RNF213: variants seen among roughly 807,000 people sequenced by gnomAD.
The protein encoded by RNF213 is ring finger protein 213.
A neutral mutation model predicts 514.4 loss-of-function variants in RNF213; 341 were observed. That is an observed-to-expected ratio of 0.66 (90% CI 0.61 to 0.73). The LOEUF (loss-of-function observed/expected upper bound fraction) is 0.73, where lower values mean the gene tolerates loss of function less well. Ranked by LOEUF, RNF213 falls within the 30% of genes least tolerant of loss-of-function variation. The probability of loss-of-function intolerance (pLI) is 0.00; values close to 1 mark genes in which losing one functional copy is unlikely to be tolerated. For missense variants in RNF213, 5,767 were observed against 6,615.6 expected, an observed-to-expected ratio of 0.87 and a Z score of 4.45; for synonymous variants, 2,655 against 2,658.2, an observed-to-expected ratio of 1.00 and a Z score of 0.04.
At chr17:80,268,436 A>G (rs762189117) in intron 2 of RNF213, among the ~76,000 whole-genome samples, 5 of 151,686 alleles carry the variant, frequency 3.3e-5, no homozygotes, top group Admixed American at 6.6e-5. Flanking sequence ...CAAGCACTCC[A>G]AAGATGCAGG....
chr17:80,290,267 C>T (rs939098814), intron 6 of RNF213, among the ~76,000 whole-genome samples: 6 of 152,206 alleles, frequency 3.9e-5, no homozygotes, highest in African/African-American at 1.4e-4. Context: ...ATGTGCATTA[C>T]GAACACAAGG....
chr17:80,302,735 C>T (rs1366948833), intron 11 of RNF213, among the ~76,000 whole-genome samples: 1 of 152,080 alleles, frequency 6.6e-6, no homozygotes, highest in Non-Finnish European at 1.5e-5. Context: ...TGGGGTGTAC[C>T]TGCAGTCCCA....
At position 80,387,299 on chromosome 17, in the gene RNF213, G is replaced by A. The variant is rs2080276205; in HGVS notation, c.14922+408G>A. 2.0e-5 allele frequency among the ~76,000 whole-genome samples: 3 copies of A among 152,308 alleles called. No homozygotes were observed. In the South Asian group the frequency reaches 6.2e-4, roughly 32 times the overall value. On this transcript the variant is annotated intron_variant, in intron 63 of 67. Coordinates refer to ENST00000582970, the MANE Select transcript of RNF213 (RefSeq NM_001256071.3). ...TTGTGTATTTTTTGGTAGAGATGGGGCTTCACCACGTTGCCCGGCTGGTCT... is the reference window on the plus strand; with the variant it reads ...TTGTGTATTTTTTGGTAGAGATGGGACTTCACCACGTTGCCCGGCTGGTCT...
chr17:80,382,061 C>T (rs1428781582), intron 57 of RNF213: 23 of 348,852 alleles, frequency 6.6e-5, no homozygotes, highest in Non-Finnish European at 3.3e-5. Context: ...CCGAAGTCAG[C>T]CCCGTAGGTC....
chr17:80,346,177 G>A lies in RNF213; in HGVS notation c.7842G>A (p.Val2614=), dbSNP rs2078304002. 6.2e-7 allele frequency: 1 copy of A among 1,614,060 alleles called. No individual in the cohort carries two copies. The highest frequency in any genetic ancestry group is 1.1e-5 in the South Asian group (1 of 91,066). Residue 2614 remains valine, a synonymous_variant, in exon 29 of 68, where the codon GTG becomes GTA. Transcript: ENST00000582970. This position sits in a 1 kb window ranked among gnomAD's most constrained non-coding sequence, Gnocchi z 8.1. ...GCCTAGATGAAAACGGGACTCGCGTGATCACAGAAGTCCTCTGCGCCTCTC... is the reference window on the plus strand; with the variant it reads ...GCCTAGATGAAAACGGGACTCGCGTAATCACAGAAGTCCTCTGCGCCTCTC... ...SISLDENGTR[V]ITEVLCASQG...
rs550927007 is a variant in RNF213 at position 80,288,595 on chromosome 17, A to G, written c.811-38A>G. ...CATTGAGTCGGAGTCACCCTGGCCC[A>G]TTTTGTCACCTTGGCTCTGGTGTTT... On this transcript the variant is annotated intron_variant, in intron 4 of 67. Transcript: ENST00000582970. This position sits in a 1 kb window ranked among gnomAD's most constrained non-coding sequence, Gnocchi z 4.9. 3.1e-6 allele frequency: 5 copies of G among 1,613,884 alleles called. No homozygotes were observed. The African/African-American group carries it at 6.7e-5, about 22-fold the overall frequency.
intron 59 of RNF213, among the ~76,000 whole-genome samples, chr17:80,384,404 T>G (rs549918152): frequency 6.6e-5 from 10 of 152,218 alleles, no homozygotes; most frequent in Admixed American, 1.3e-4. Context: ...ACTGGCCACA[T>G]CTGTTGGAAT....
chr17:80,300,029 G>A (rs185523753), intron 11 of RNF213, among the ~76,000 whole-genome samples: 3 of 152,208 alleles, frequency 2.0e-5, no homozygotes, highest in Admixed American at 1.3e-4. Context: ...AACATACATG[G>A]GCATGTTTCT....
At position 80,263,760 on chromosome 17, in the gene RNF213, C is replaced by G. The variant is rs751009435; in HGVS notation, c.79C>G (p.Pro27Ala). ...FCSQCGERLPPAAPIADSENN... is the reference protein window; with the variant it reads ...FCSQCGERLPAAAPIADSENN... ...CAGCCAGTGCGGAGAGAGGCTGCCT[C>G]CTGCAGCCCCCATAGCAGGTGAGGC... Residue 27 changes from proline to alanine, a missense_variant, in exon 2 of 68, where the codon CCT (proline) becomes GCT (alanine). Physicochemically the swap from Pro to Ala is conservative, Grantham distance 27. Transcript: ENST00000582970. The surrounding 1 kb of genome is among the most constrained non-coding windows in gnomAD (Gnocchi z 4.9). 1 of 1,613,862 alleles carries G rather than the reference C, an allele frequency of 6.2e-7. No homozygotes were observed. The highest frequency in any genetic ancestry group is 1.3e-5 in the African/African-American group (1 of 74,916).
Position 80,383,806 on chromosome 17 carries a change from G to A in RNF213, c.14200G>A (p.Val4734Met). Reference protein sequence around the residue: ...TFLPHLPRKSVVHCSKIWSCR... With the variant: ...TFLPHLPRKSMVHCSKIWSCR... ...CCTGCCCCACCTGCCCCGGAAAAGT[G>A]TGGTCCATTGCTCTAAGATTTGGAG... is the stretch of plus-strand genomic sequence containing the variant. The change falls in exon 59 of 68, where the codon GTG becomes ATG. Residue 4734 changes from valine (V) to methionine (M), a missense_variant. Transcript: ENST00000582970. 6.2e-7 allele frequency: 1 copy of A among 1,614,184 alleles called. No individual in the cohort carries two copies. The highest frequency in any genetic ancestry group is 8.5e-7 in the Non-Finnish European group (1 of 1,180,038).
intron 36 of RNF213, chr17:80,354,832 C>G (rs2078672338): frequency 1.9e-6 from 1 of 536,968 alleles, no homozygotes; most frequent in Non-Finnish European, 3.3e-6. Flanking sequence ...AAAAGTAAAA[C>G]ATCTGTTCTT....
Position 80,380,849 on chromosome 17 carries a change from G to C in RNF213, c.13659G>C (p.Thr4553=). 1.9e-6 allele frequency: 3 copies of C among 1,614,194 alleles called. No homozygotes were observed. The highest frequency in any genetic ancestry group is 2.5e-6 in the Non-Finnish European group (3 of 1,180,030). ...TTTCCAGAGACAAGGCAGACAGAACGCAGACCGGCCACGTGCTGGGCAACC... is the reference window on the plus strand; with the variant it reads ...TTTCCAGAGACAAGGCAGACAGAACCCAGACCGGCCACGTGCTGGGCAACC... ...FHLVKDKADR[T]QTGHVLGNPQ... The change falls in exon 56 of 68, where the codon ACG becomes ACC. Residue 4553 remains threonine (T), a synonymous_variant. Transcript: ENST00000582970.
Position 80,353,363 on chromosome 17 carries a change from G to T in RNF213, c.10424-149G>T, listed in dbSNP as rs2078603260. The T allele has an allele frequency of 5.3e-6, 5 of 950,352 alleles. No individual in the cohort carries two copies. The highest frequency in any genetic ancestry group is 8.2e-6 in the Non-Finnish European group (5 of 612,350). 58.9% of individuals were successfully genotyped at this position (950,352 alleles called of 1,614,324 possible). On this transcript the variant is annotated intron_variant, in intron 33 of 67. Coordinates refer to ENST00000582970, the MANE Select transcript of RNF213 (RefSeq NM_001256071.3). This position sits in a 1 kb window ranked among gnomAD's most constrained non-coding sequence, Gnocchi z 5.0. ...GCCTTGGGGGCTGATCTTCATGACCGTGATCTCTCATCTGGGGACCTAGCA... is the reference window on the plus strand; with the variant it reads ...GCCTTGGGGGCTGATCTTCATGACCTTGATCTCTCATCTGGGGACCTAGCA...
At position 80,359,932 on chromosome 17, in the gene RNF213, C is replaced by T. The variant is rs1437770033; in HGVS notation, c.11055-129C>T. 4.1e-5 allele frequency: 35 copies of T among 850,158 alleles called. 1 individual carries two copies. Among genetic ancestry groups the T allele is most frequent in the South Asian group, 4.0e-4 (28 of 70,270 alleles). The allele number at this position is 850,158 out of a possible 1,614,324, so 52.7% of individuals were successfully genotyped here. ...CCTGTACTGTGAAACAGATCAGCGC[C>T]GTCTGCCTGGCCTGTTGGCCCCTTT... is the stretch of plus-strand genomic sequence containing the variant. On this transcript the variant is annotated intron_variant, in intron 37 of 67. Transcript: ENST00000582970.
chr17:80,389,739 G>A, intron 65 of RNF213, 89 bp from the exon 66 acceptor site: 1 of 1,058,278 alleles, frequency 9.4e-7, no homozygotes, highest in East Asian at 2.4e-5. Flanking sequence ...AAGAATGCCT[G>A]TGTGGAGAGC....
rs2078592811 is a variant in RNF213 at position 80,353,148 on chromosome 17, C to G, written c.10423+89C>G. 2.6e-6 allele frequency: 4 copies of G among 1,552,178 alleles called. No individual in the cohort carries two copies. The highest frequency in any genetic ancestry group is 1.7e-5 in the Admixed American group (1 of 59,660). ...CGTGGCGTGCACATGGCACTAGGAGCAGGGCCACCGTGTTTCGTCCCTCGG... is the reference window on the plus strand; with the variant it reads ...CGTGGCGTGCACATGGCACTAGGAGGAGGGCCACCGTGTTTCGTCCCTCGG... On this transcript the variant is annotated intron_variant, in intron 33 of 67. Transcript: ENST00000582970. This position sits in a 1 kb window ranked among gnomAD's most constrained non-coding sequence, Gnocchi z 5.0.
At chr17:80,363,004 C>T (rs978158258) in intron 39 of RNF213, 98 bp from the exon 40 acceptor site, 2 of 1,159,936 alleles carry the variant, frequency 1.7e-6, no homozygotes, top group Non-Finnish European at 2.5e-6. Flanking sequence ...TTTCTAATTT[C>T]CTCTTTTATG....
chr17:80,280,655 G>C (rs2044226084), intron 3 of RNF213, among the ~76,000 whole-genome samples: 1 of 151,858 alleles, frequency 6.6e-6, no homozygotes, highest in Non-Finnish European at 1.5e-5. Flanking sequence ...GGGTCTTGCT[G>C]TGTTACCCAC....
In RNF213 at chr17:80,263,513, C is replaced by T; in HGVS notation, c.-108-61C>T. On this transcript the variant is annotated intron_variant, in intron 1 of 67. Coordinates refer to ENST00000582970, the MANE Select transcript of RNF213 (RefSeq NM_001256071.3). This position sits in a 1 kb window ranked among gnomAD's most constrained non-coding sequence, Gnocchi z 4.9. Reference sequence around the variant, plus strand: ...GGGGAGGGGCTGGGCTTGGGCTGTGCTCCTGTTGGGTTTCCATTAACCAGG... The same window carrying T: ...GGGGAGGGGCTGGGCTTGGGCTGTGTTCCTGTTGGGTTTCCATTAACCAGG... The T allele has an allele frequency of 4.5e-6, 3 of 667,362 alleles. No individual in the cohort carries two copies. Among genetic ancestry groups the T allele is most frequent in the East Asian group, 2.8e-5 (1 of 36,272 alleles). The allele number at this position is 667,362 out of a possible 1,614,324, so 41.3% of individuals were successfully genotyped here.
Sources: gnomAD v4.1 joint callset for allele counts (sites outside exome capture counted in the v4.1 genomes callset) on GRCh38, gnomAD v4.1.1 for gene constraint, Gnocchi (gnomAD v3.1) non-coding constraint, MANE v1.5 for transcripts, NCBI Gene and HGNC (gene_info 2026-07-23, HGNC 2026-07-21) for gene names.